Variants in ZSCAN25 observed in about 807,000 individuals in gnomAD.
ZSCAN25 encodes the protein zinc finger and SCAN domain containing 25, also known as zinc finger and SCAN domain-containing protein 25.
In ZSCAN25, 27 loss-of-function variants were observed where a neutral mutation model predicts 38.7. The observed-to-expected ratio is 0.70, with a 90% confidence interval of 0.51 to 0.96. The LOEUF is 0.96. ZSCAN25 is among the 40% of genes least tolerant of loss of function. The probability of loss-of-function intolerance (pLI) is 0.00; values close to 1 mark genes in which losing one functional copy is unlikely to be tolerated. For synonymous variants in ZSCAN25, 273 were observed against 277.7 expected, an observed-to-expected ratio of 0.98 and a Z score of 0.17; for missense variants, 637 against 705.9, an observed-to-expected ratio of 0.90 and a Z score of 1.11.
chr7:99,624,270 A>C (rs879937719), intron 7 of ZSCAN25, 90 bp downstream of exon 7: 1 of 1,568,320 alleles, frequency 6.4e-7, no homozygotes, highest in South Asian at 1.1e-5. Context: ...CTCCTGGCAA[A>C]GGAAGGGGAC....
chr7:99,694,730 C>G, the ZSCAN25 span, among the ~76,000 whole-genome samples: 5 of 147,584 alleles, frequency 3.4e-5, no homozygotes, highest in African/African-American at 5.3e-5. Flanking sequence ...AAACAAGCCT[C>G]AGGTATGCGG....
At chr7:99,737,798 CA>C in the ZSCAN25 span, among the ~76,000 whole-genome samples, 4 of 152,202 alleles carry the variant, frequency 2.6e-5, no homozygotes, top group African/African-American at 9.7e-5. Context: ...AATTCAAATG[CA>C]GCCAGCACTC....
At chr7:99,705,233 G>C in the ZSCAN25 span, 1 of 372,684 alleles carries the variant, frequency 2.7e-6, no homozygotes, top group African/African-American at 2.1e-5. Flanking sequence ...GTGCTAACTG[G>C]GGGTGGTGGA....
At chr7:99,627,814 G>GCTGTATATGTATATACTGTATACAAT (rs1807622424) in intron 7 of ZSCAN25, among the ~76,000 whole-genome samples, 2 of 151,696 alleles carry the variant, frequency 1.3e-5, no homozygotes, top group African/African-American at 4.9e-5. Flanking sequence ...CTGTATACAT[G>GCTGTATATGTATATACTGTATACAAT]TATATGCTGT....
the ZSCAN25 span, chr7:99,663,597 T>A: frequency 1.0e-6 from 1 of 998,038 alleles, no homozygotes; most frequent in Non-Finnish European, 1.2e-6. Context: ...AGTCTTGGAC[T>A]TAAAATGATT....
the ZSCAN25 span, chr7:99,707,859 C>T: frequency 1.9e-6 from 3 of 1,613,996 alleles, no homozygotes; most frequent in African/African-American, 1.3e-5. Context: ...AGGACTCTGA[C>T]TAGAGCAAGT....
chr7:99,633,098 G>C (rs1479768151), downstream of ZSCAN25, among the ~76,000 whole-genome samples: 1 of 151,110 alleles, frequency 6.6e-6, no homozygotes, highest in Non-Finnish European at 1.5e-5. Flanking sequence ...CGATTCTCCT[G>C]CCTCAGCCTC....
chr7:99,696,553 G>T, the ZSCAN25 span, among the ~76,000 whole-genome samples: 2,562 of 152,210 alleles, frequency 0.017, 64 homozygotes, highest in African/African-American at 0.057. Flanking sequence ...CAGATGATCT[G>T]GTTGATTTGC....
At chr7:99,624,781 A>G (rs144940221) in intron 7 of ZSCAN25, among the ~76,000 whole-genome samples, 1,616 of 152,210 alleles carry the variant, frequency 0.011, 21 homozygotes, top group African/African-American at 0.037. Context: ...ACAGCAGCTC[A>G]TGGGAGGAGG....
chr7:99,703,555 C>G, the ZSCAN25 span, among the ~76,000 whole-genome samples: 1 of 152,148 alleles, frequency 6.6e-6, no homozygotes, highest in African/African-American at 2.4e-5. Flanking sequence ...CCTATCTACC[C>G]ATCTATCCAT....
chr7:99,691,009 C>T, the ZSCAN25 span, among the ~76,000 whole-genome samples: 1 of 152,140 alleles, frequency 6.6e-6, no homozygotes, highest in Admixed American at 6.5e-5. Flanking sequence ...TTTATTGTGG[C>T]ACTATTCACA....
rs1416897857 is a variant in ZSCAN25 at position 99,630,691 on chromosome 7, T to TA, written c.*672dup. On this transcript the variant is annotated 3_prime_UTR_variant, in exon 8 of 8. Coordinates refer to ENST00000394152, the MANE Select transcript of ZSCAN25 (RefSeq NM_145115.3). The stretch of plus-strand genomic sequence containing the variant: ...TGCTCCCAGGCAACTGTGTGAATTT[T>TA]ACATTATTTGGAGCCTCATCTGTGT... The TA allele has an allele frequency of 5.1e-6, 5 of 984,862 alleles. No homozygotes were observed. Among genetic ancestry groups the TA allele is most frequent in the South Asian group, 4.7e-5 (1 of 21,290 alleles). The allele number at this position is 984,862 out of a possible 1,614,324, so 61.0% of individuals were successfully genotyped here. A position where few individuals can be genotyped will look rare whatever the true frequency, so the allele number is the denominator to read the frequency against.
the ZSCAN25 span, among the ~76,000 whole-genome samples, chr7:99,680,529 G>T: frequency 1.3e-5 from 2 of 152,040 alleles, no homozygotes; most frequent in African/African-American, 4.8e-5. Context: ...GTTTCCCTTA[G>T]CAGAGGTGAG....
the ZSCAN25 span, chr7:99,680,105 G>A: frequency 1.8e-6 from 1 of 563,034 alleles, no homozygotes; most frequent in Non-Finnish European, 3.2e-6. Flanking sequence ...CCTCTTTTGA[G>A]TTCATGTTCT....
chr7:99,726,012 G>T, the ZSCAN25 span, among the ~76,000 whole-genome samples: 2 of 152,084 alleles, frequency 1.3e-5, no homozygotes, highest in African/African-American at 4.8e-5. Flanking sequence ...ATCCCCACCT[G>T]CCAGTTCCCT....
the ZSCAN25 span, among the ~76,000 whole-genome samples, chr7:99,724,748 C>A: frequency 1.8e-4 from 27 of 152,304 alleles, no homozygotes; most frequent in African/African-American, 6.5e-4. Flanking sequence ...GAGCTGAAGG[C>A]ATAGTCAAGG....
At chr7:99,703,468 T>G in the ZSCAN25 span, among the ~76,000 whole-genome samples, 9 of 152,016 alleles carry the variant, frequency 5.9e-5, no homozygotes, top group South Asian at 2.1e-4. Context: ...AAATATATGG[T>G]TTTTTTTGTA....
the ZSCAN25 span, chr7:99,715,981 T>G: frequency 6.2e-7 from 1 of 1,610,696 alleles, no homozygotes; most frequent in Non-Finnish European, 8.5e-7. Flanking sequence ...CAGCAGGAAA[T>G]CCACATGTCC....
chr7:99,638,761 C>T, the ZSCAN25 span: 1 of 1,060,344 alleles, frequency 9.4e-7, no homozygotes, highest in Non-Finnish European at 1.5e-6. Flanking sequence ...TAGCACTTTC[C>T]CCATCGCGTC....
Sources: gnomAD v4.1 joint callset for allele counts (sites outside exome capture counted in the v4.1 genomes callset) on GRCh38, gnomAD v4.1.1 for gene constraint, MANE v1.5 for transcripts, NCBI Gene and HGNC (gene_info 2026-07-23, HGNC 2026-07-21) for gene names.